AGR3: variants seen among roughly 807,000 people sequenced by gnomAD.
The protein encoded by AGR3 is anterior gradient 3, protein disulphide isomerase family member.
AGR3 carries 37 observed loss-of-function variants against 24.5 expected under a neutral mutation model. That is an observed-to-expected ratio of 1.51 (90% CI 1.16 to 1.99). AGR3 has a LOEUF of 1.99. Among genes scored for constraint, AGR3 ranks in the 30% most tolerant of loss-of-function variants. AGR3 has a pLI of 0.00. For synonymous variants in AGR3, 75 were observed against 61.6 expected (o/e 1.22, Z -1.02); for missense variants, 228 against 191.1 (o/e 1.19, Z -1.14).
chr7:16,859,596 G>T lies in AGR3; in HGVS notation c.487C>A (p.Gln163Lys). The T allele has an allele frequency of 6.4e-7, 1 of 1,554,060 alleles. No homozygotes were observed. The highest frequency in any genetic ancestry group is 1.1e-5 in the South Asian group (1 of 87,294). The change falls in exon 8 of 8, where the codon CAG (glutamine) becomes AAG (lysine). Residue 163 changes from glutamine to lysine, a missense_variant. Coordinates refer to ENST00000310398, the MANE Select transcript of AGR3 (RefSeq NM_176813.5). The part of the protein sequence containing the change: ...ENMKKALRLI[Q>K]SEL ...TCCATCATCTCTTATAGCTCTGACT[G>T]AATAAGTCTTAATGCTTTCTTCATG...
Position 16,859,542 on chromosome 7 carries a change from A to C in AGR3, c.*40T>G, listed in dbSNP as rs1287960659. 1.4e-6 allele frequency: 2 copies of C among 1,405,480 alleles called. No homozygotes were observed. The highest frequency in any genetic ancestry group is 2.8e-5 in the African/African-American group (2 of 71,092). 87.1% of individuals were successfully genotyped at this position (1,405,480 alleles called of 1,614,324 possible). On this transcript the variant is annotated 3_prime_UTR_variant, in exon 8 of 8. Transcript: ENST00000310398. ...ATGTGCCAGAGGTTTTCTTCATGAAATTTGACTTCTTTGAAGTGAAGGCTT... is the reference window on the plus strand; with the variant it reads ...ATGTGCCAGAGGTTTTCTTCATGAACTTTGACTTCTTTGAAGTGAAGGCTT...
At chr7:16,857,260 GCATA>G (rs1781565918), downstream of AGR3, among the ~76,000 whole-genome samples, 1 of 151,878 alleles carries the variant, frequency 6.6e-6, no homozygotes, top group Admixed American at 6.6e-5. Flanking sequence ...TTAAATGTTG[GCATA>G]CATATAATTA....
chr7:16,879,457 G>A (rs1404636692), intron 1 of AGR3, among the ~76,000 whole-genome samples: 1 of 152,122 alleles, frequency 6.6e-6, no homozygotes, highest in African/African-American at 2.4e-5. Context: ...ATATATTACA[G>A]GAAGTCTTTA....
At chr7:16,878,441 G>A (rs1440958988) in intron 2 of AGR3, 69 bp downstream of exon 2, 1 of 1,354,336 alleles carries the variant, frequency 7.4e-7, no homozygotes, top group Non-Finnish European at 1.0e-6. Flanking sequence ...GACTATGAGT[G>A]AAGACACCAG....
chr7:16,876,929 G>A (rs1424177519), intron 2 of AGR3, among the ~76,000 whole-genome samples: 1 of 152,090 alleles, frequency 6.6e-6, no homozygotes, highest in African/African-American at 2.4e-5. Flanking sequence ...AACTAGTTTA[G>A]TCTTTGTCAC....
chr7:16,868,127 TATTG>T (rs1164387118), intron 3 of AGR3, among the ~76,000 whole-genome samples: 1 of 151,972 alleles, frequency 6.6e-6, no homozygotes, highest in Non-Finnish European at 1.5e-5. Flanking sequence ...TGATGTTAAG[TATTG>T]TTTTCATCTA....
intron 3 of AGR3, chr7:16,865,767 C>T: frequency 2.7e-6 from 2 of 750,552 alleles, no homozygotes; most frequent in South Asian, 1.4e-5. Flanking sequence ...AAGCTTGATT[C>T]AGTATGAAAC....
At chr7:16,865,291 G>T in intron 3 of AGR3, 1 of 1,065,988 alleles carries the variant, frequency 9.4e-7, no homozygotes, top group Non-Finnish European at 1.4e-6. Flanking sequence ...GAAATCTGGA[G>T]GCTGTTTATT....
chr7:16,855,153 A>G (rs1376002107), downstream of AGR3, among the ~76,000 whole-genome samples: 2 of 152,136 alleles, frequency 1.3e-5, no homozygotes, highest in Non-Finnish European at 2.9e-5. Flanking sequence ...TCTTCTAGCT[A>G]TTTGAAACTG....
In AGR3 at chr7:16,865,026, T is replaced by C. The variant is rs1020322237; in HGVS notation, c.174-2364A>G. ...CCTCAGGTTCAACAAGTATGTATCC[T>C]GTTCATATTCTGATAAATGAGAGGG... is the stretch of plus-strand genomic sequence containing the variant. On this transcript the variant is annotated intron_variant, in intron 3 of 7. Transcript: ENST00000310398. 1.8e-5 allele frequency: 15 copies of C among 835,230 alleles called. No homozygotes were observed. In the South Asian group the frequency reaches 1.9e-4, roughly 10 times the overall value. The allele number at this position is 835,230 out of a possible 1,614,324, so 51.7% of individuals were successfully genotyped here.
downstream of AGR3, among the ~76,000 whole-genome samples, chr7:16,856,946 C>A (rs867007414): frequency 1.3e-5 from 2 of 150,048 alleles, no homozygotes; most frequent in Non-Finnish European, 3.0e-5. Flanking sequence ...AGAAGATGTG[C>A]GGTAGAAATA....
intron 1 of AGR3, among the ~76,000 whole-genome samples, chr7:16,879,229 A>G (rs1782055633): frequency 6.6e-6 from 1 of 152,194 alleles, no homozygotes; most frequent in Non-Finnish European, 1.5e-5. Flanking sequence ...TTTGCCCTTC[A>G]GTTTATGATA....
chr7:16,877,020 C>T (rs1300282741), intron 2 of AGR3, among the ~76,000 whole-genome samples: 1 of 151,850 alleles, frequency 6.6e-6, no homozygotes. Context: ...AATATTTCAA[C>T]TTTTTCATTC....
Position 16,878,410 on chromosome 7 carries a change from G to A in AGR3, c.109+100C>T, listed in dbSNP as rs184944432. 6 of 1,001,834 alleles carry A rather than the reference G, an allele frequency of 6.0e-6. No individual in the cohort carries two copies. The African/African-American group carries it at 9.7e-5, about 16-fold the overall frequency. The allele number at this position is 1,001,834 out of a possible 1,614,324, so 62.1% of individuals were successfully genotyped here. On this transcript the variant is annotated intron_variant, in intron 2 of 7. Coordinates refer to ENST00000310398, the MANE Select transcript of AGR3 (RefSeq NM_176813.5). ...ACACACAACAAAAATCATTCAGTTA[G>A]TTGAATTTGCTTTATAATTAGACTA...
At chr7:16,871,533 G>A (rs1319518496) in intron 3 of AGR3, among the ~76,000 whole-genome samples, 1 of 151,974 alleles carries the variant, frequency 6.6e-6, no homozygotes, top group Non-Finnish European at 1.5e-5. Context: ...AAACAAGAAA[G>A]CAATGCTATT....
At chr7:16,880,390 A>G (rs1322921765) in intron 1 of AGR3, among the ~76,000 whole-genome samples, 1 of 151,354 alleles carries the variant, frequency 6.6e-6, no homozygotes, top group Admixed American at 6.6e-5. Flanking sequence ...CAAACTCCTG[A>G]CCTCAAATGA....
chr7:16,864,142 G>T, intron 3 of AGR3: 1 of 556,322 alleles, frequency 1.8e-6, no homozygotes, highest in Middle Eastern at 5.2e-4. Flanking sequence ...AAAGACTACA[G>T]GAACGGAGAA....
intron 3 of AGR3, chr7:16,864,379 G>A: frequency 7.6e-7 from 1 of 1,307,650 alleles, no homozygotes; most frequent in Non-Finnish European, 1.1e-6. Flanking sequence ...CTGACTCAGA[G>A]GAAGAGACCA....
rs554101911 is a variant in AGR3 at position 16,880,046 on chromosome 7, C to T, written c.-27-1401G>A. 9.0e-4 allele frequency among the ~76,000 whole-genome samples: 136 copies of T among 151,786 alleles called. 1 individual carries two copies. The Middle Eastern group carries it at 0.014, about 15-fold the overall frequency. On this transcript the variant is annotated intron_variant, in intron 1 of 7. Coordinates refer to ENST00000310398, the MANE Select transcript of AGR3 (RefSeq NM_176813.5). ...CTCCCTAATCCCCAGTTGTCCCTCC[C>T]TCCTTCCCTTCCCCTTCCTTCCTTC... is the stretch of plus-strand genomic sequence containing the variant.
Sources: allele counts gnomAD v4.1 joint callset (sites outside exome capture counted in the v4.1 genomes callset), GRCh38; gene constraint gnomAD v4.1.1; transcripts MANE v1.5; gene names NCBI Gene and HGNC (gene_info 2026-07-23, HGNC 2026-07-21).